Variants in KICS2 observed in about 807,000 individuals in gnomAD.
KICS2 encodes KICSTOR complex protein C12orf66.
Under a neutral mutation model 31.4 loss-of-function variants are expected in KICS2, and 13 were observed. The ratio of observed to expected loss-of-function variants is 0.41; its 90% confidence interval spans 0.27 to 0.66. The LOEUF (loss-of-function observed/expected upper bound fraction) is 0.66. Ranked by LOEUF, KICS2 falls within the 30% of genes least tolerant of loss-of-function variation. The pLI is 0.28. For synonymous variants in KICS2, 209 were observed against 214.8 expected, an observed-to-expected ratio of 0.97 and a Z score of 0.24; for missense variants, 455 against 545.4, an observed-to-expected ratio of 0.83 and a Z score of 1.65.
In KICS2 at chr12:64,194,672, G is replaced by A. The variant is rs2037416209; in HGVS notation, c.522-14C>T. ...GGGTGGTGAAATCTAAAGGGGAGAGGGAAATAGAGATAAGTGGAAATGTTA... is the reference window on the plus strand; with the variant it reads ...GGGTGGTGAAATCTAAAGGGGAGAGAGAAATAGAGATAAGTGGAAATGTTA... On this transcript the variant is annotated splice_polypyrimidine_tract_variant and intron_variant, in intron 2 of 2. Transcript: ENST00000398055. The A allele has an allele frequency of 6.3e-7, 1 of 1,586,128 alleles. No individual in the cohort carries two copies. The highest frequency in any genetic ancestry group is 1.8e-5 in the Admixed American group (1 of 55,706).
intron 2 of KICS2, among the ~76,000 whole-genome samples, chr12:64,203,823 T>C (rs749982927): frequency 6.6e-6 from 1 of 152,214 alleles, no homozygotes; most frequent in Non-Finnish European, 1.5e-5. Context: ...AAAACACACA[T>C]TGCTTTTCAT....
chr12:64,211,302 T>G (rs1233643205), intron 2 of KICS2, among the ~76,000 whole-genome samples: 1 of 152,168 alleles, frequency 6.6e-6, no homozygotes, highest in African/African-American at 2.4e-5. Flanking sequence ...CATAGCCTAT[T>G]TCTCAGGAAT....
At chr12:64,210,939 T>C (rs1169013622) in intron 2 of KICS2, among the ~76,000 whole-genome samples, 1 of 151,684 alleles carries the variant, frequency 6.6e-6, no homozygotes, top group African/African-American at 2.4e-5. Context: ...AGTTACCCAA[T>C]TTTTTTGAGT....
At chr12:64,195,427 A>G (rs972863139) in intron 2 of KICS2, among the ~76,000 whole-genome samples, 1 of 152,244 alleles carries the variant, frequency 6.6e-6, no homozygotes, top group Non-Finnish European at 1.5e-5. Flanking sequence ...TATTAAGCCT[A>G]TCTTGCAGAT....
chr12:64,198,981 G>C (rs1260266759), intron 2 of KICS2, among the ~76,000 whole-genome samples: 1 of 146,738 alleles, frequency 6.8e-6, no homozygotes, highest in Non-Finnish European at 1.5e-5. Flanking sequence ...ACCAAAAAGA[G>C]TCCAGGACCA....
chr12:64,194,618 G>C lies in KICS2; in HGVS notation c.562C>G (p.Gln188Glu). 6.2e-7 allele frequency: 1 copy of C among 1,613,960 alleles called. No individual in the cohort carries two copies. The highest frequency in any genetic ancestry group is 8.5e-7 in the Non-Finnish European group (1 of 1,179,904). ...PILSPLESSF[Q>E]LEVDVLCHLL... ...TGACACAGGACGTCAACTTCCAGCT[G>C]GAAACTGCTTTCCAAAGGACTGAGG... is the stretch of plus-strand genomic sequence containing the variant. The change falls in exon 3 of 3, where the codon CAG becomes GAG. Residue 188 changes from glutamine to glutamate, a missense_variant. Coordinates refer to ENST00000398055, the MANE Select transcript of KICS2 (RefSeq NM_152440.5).
chr12:64,195,670 T>C (rs2037427396), intron 2 of KICS2, among the ~76,000 whole-genome samples: 1 of 151,830 alleles, frequency 6.6e-6, no homozygotes, highest in Non-Finnish European at 1.5e-5. Flanking sequence ...GGGTGATTTC[T>C]GCATTTCCAT....
At chr12:64,186,867 A>C (rs1224755061), downstream of KICS2, 1 of 152,190 alleles carries the variant, frequency 6.6e-6, no homozygotes, top group Non-Finnish European at 1.5e-5. Flanking sequence ...ATGAATGTTG[A>C]ATATTAGAAA....
chr12:64,204,162 C>G (rs777789073), intron 2 of KICS2, among the ~76,000 whole-genome samples: 1 of 137,342 alleles, frequency 7.3e-6, no homozygotes, highest in Non-Finnish European at 1.6e-5. Context: ...ACAATGAGAA[C>G]ACGTGGACAC....
chr12:64,195,223 G>A (rs918823287), intron 2 of KICS2, among the ~76,000 whole-genome samples: 4 of 152,148 alleles, frequency 2.6e-5, no homozygotes, highest in Non-Finnish European at 5.9e-5. Flanking sequence ...CCTAAATTAG[G>A]TATAATTCTT....
chr12:64,221,991 G>A lies in KICS2; in HGVS notation c.235+12C>T. The stretch of plus-strand genomic sequence containing the variant: ...TCCTCCTCAAGGGGCTCGGGGGGCG[G>A]GGCGGAGGTACCTAGTTTCTGCCCC... On this transcript the variant is annotated intron_variant, in intron 1 of 2. Coordinates refer to ENST00000398055, the MANE Select transcript of KICS2 (RefSeq NM_152440.5). 1 of 1,150,616 alleles carries A rather than the reference G, an allele frequency of 8.7e-7. No homozygotes were observed. Among genetic ancestry groups the A allele is most frequent in the Non-Finnish European group, 1.3e-6 (1 of 793,704 alleles). 71.3% of individuals were successfully genotyped at this position (1,150,616 alleles called of 1,614,324 possible).
At chr12:64,194,936 A>ATTTTTTTTT (rs60371744) in intron 2 of KICS2, among the ~76,000 whole-genome samples, 1 of 149,456 alleles carries the variant, frequency 6.7e-6, no homozygotes. Flanking sequence ...GCTACAATTC[A>ATTTTTTTTT]TTTTTTTTTT....
In KICS2 at chr12:64,215,850, G is replaced by A. The variant is rs779338181; in HGVS notation, c.349C>T (p.His117Tyr). 8 of 1,613,734 alleles carry A rather than the reference G, an allele frequency of 5.0e-6. No homozygotes were observed. Among genetic ancestry groups the A allele is most frequent in the African/African-American group, 1.3e-5 (1 of 74,922 alleles). ...GRGALGGTAP[H>Y]VEELLSHLSE... ...AGGTGGGAAAGGAGTTCTTCCACGT[G>A]AGGAGCAGTCCCACCCAGGGCACCA... is the stretch of plus-strand genomic sequence containing the variant. Residue 117 changes from histidine (H) to tyrosine (Y), a missense_variant, in exon 2 of 3, where the codon CAC becomes TAC. Coordinates refer to ENST00000398055, the MANE Select transcript of KICS2 (RefSeq NM_152440.5).
At chr12:64,210,350 G>C (rs779492627) in intron 2 of KICS2, among the ~76,000 whole-genome samples, 11 of 152,142 alleles carry the variant, frequency 7.2e-5, no homozygotes, top group Non-Finnish European at 1.2e-4. Context: ...TCCACTCAGA[G>C]GATGAGGGTT....
chr12:64,203,125 T>G (rs530527513), intron 2 of KICS2, among the ~76,000 whole-genome samples: 97 of 152,236 alleles, frequency 6.4e-4, no homozygotes, highest in Non-Finnish European at 1.1e-3. Flanking sequence ...GCGGAAGTAA[T>G]AGCTGCCTCC....
chr12:64,198,944 A>G (rs1488543665), intron 2 of KICS2, among the ~76,000 whole-genome samples: 1 of 150,994 alleles, frequency 6.6e-6, no homozygotes, highest in Non-Finnish European at 1.5e-5. Flanking sequence ...AGGAGCTGAA[A>G]TTGTGGCAAT....
Position 64,215,719 on chromosome 12 carries a change from G to T in KICS2, c.480C>A (p.Leu160=). The stretch of plus-strand genomic sequence containing the variant: ...TCATGATGGCATCCAAAAGGCCAAC[G>T]AGCTCTTCAGCATTGATGAACTTCT... ...STQKFINAEE[L]VGLLDAIMKK... is the part of the protein sequence containing the mutation. Residue 160 remains leucine, a synonymous_variant, in exon 2 of 3, where the codon CTC becomes CTA. Coordinates refer to ENST00000398055, the MANE Select transcript of KICS2 (RefSeq NM_152440.5). 4 of 1,613,758 alleles carry T rather than the reference G, an allele frequency of 2.5e-6. No individual in the cohort carries two copies. Among genetic ancestry groups the T allele is most frequent in the South Asian group, 1.1e-5 (1 of 91,028 alleles).
At chr12:64,203,265 C>T (rs930862528) in intron 2 of KICS2, among the ~76,000 whole-genome samples, 19 of 152,312 alleles carry the variant, frequency 1.2e-4, no homozygotes, top group East Asian at 5.8e-4. Flanking sequence ...ATGGGCTGAA[C>T]GAAGTTCTGT....
chr12:64,187,475 T>G (rs2037347091), downstream of KICS2: 1 of 678,514 alleles, frequency 1.5e-6, no homozygotes, highest in South Asian at 1.9e-5. Context: ...AAAAGCAGAT[T>G]GAAAAAATAT....
Sources: gnomAD v4.1 joint callset for allele counts (sites outside exome capture counted in the v4.1 genomes callset) on GRCh38, gnomAD v4.1.1 for gene constraint, MANE v1.5 for transcripts, NCBI Gene and HGNC (gene_info 2026-07-23, HGNC 2026-07-21) for gene names.